Variants in WAPL observed in about 807,000 individuals in gnomAD.
WAPL encodes the protein WAPL cohesin release factor, also known as wings apart-like protein homolog.
A neutral mutation model predicts 121.0 loss-of-function variants in WAPL; 5 were observed. The ratio of observed to expected loss-of-function variants is 0.04; its 90% CI spans 0.02 to 0.09. The LOEUF is 0.09. WAPL is among the 10% of genes least tolerant of loss of function. WAPL has a pLI of 1.00. For synonymous variants in WAPL, 480 were observed against 481.5 expected, an observed-to-expected ratio of 1.00 and a Z score of 0.04; for missense variants, 999 against 1,410.8, an observed-to-expected ratio of 0.71 and a Z score of 4.68.
At chr10:86,487,281 A>C (rs1279869300) in intron 4 of WAPL, among the ~76,000 whole-genome samples, 2 of 152,144 alleles carry the variant, frequency 1.3e-5, no homozygotes, top group Admixed American at 1.3e-4. Context: ...CATGTAGGGA[A>C]GCTGTAGCCA....
chr10:86,484,306 G>A (rs978045188), intron 4 of WAPL, among the ~76,000 whole-genome samples: 2 of 151,982 alleles, frequency 1.3e-5, no homozygotes, highest in East Asian at 1.9e-4. Context: ...GACCAGCCTC[G>A]ACAACATGGT....
chr10:86,470,052 A>G (rs1376382277), intron 8 of WAPL, among the ~76,000 whole-genome samples: 1 of 148,684 alleles, frequency 6.7e-6, no homozygotes, highest in African/African-American at 2.5e-5. Context: ...TTTTTTTTTG[A>G]GACAGAGTCT....
At chr10:86,480,589 T>C (rs1841758482) in intron 4 of WAPL, among the ~76,000 whole-genome samples, 1 of 152,288 alleles carries the variant, frequency 6.6e-6, no homozygotes, top group South Asian at 2.1e-4. Context: ...ATTAGAAAGA[T>C]GATTATCAAA....
chr10:86,491,506 C>T (rs1422231987), intron 4 of WAPL, among the ~76,000 whole-genome samples: 1 of 152,072 alleles, frequency 6.6e-6, no homozygotes, highest in Non-Finnish European at 1.5e-5. Flanking sequence ...TGAACACACT[C>T]AGCACTCAGA....
chr10:86,442,507 T>G (rs1410841793), intron 17 of WAPL, among the ~76,000 whole-genome samples: 1 of 152,230 alleles, frequency 6.6e-6, no homozygotes, highest in African/African-American at 2.4e-5. Flanking sequence ...AGAACTGCTT[T>G]TTCTTACATC....
rs1849356583 is a variant in WAPL, at chr10:86,437,582, T to C, written c.3534A>G (p.Lys1178=). 2 of 1,614,048 alleles carry C rather than the reference T, an allele frequency of 1.2e-6. No individual in the cohort carries two copies. Among genetic ancestry groups the C allele is most frequent in the Non-Finnish European group, 1.7e-6 (2 of 1,179,992 alleles). Residue 1178 remains lysine (K), a synonymous_variant, in exon 19 of 19, where the codon AAA becomes AAG. Transcript: ENST00000298767. ...AATATTCAATCACTCTAGAGATAGATTTCTGGCCAGTTGTTCCAACAGCAC... is the reference window on the plus strand; with the variant it reads ...AATATTCAATCACTCTAGAGATAGACTTCTGGCCAGTTGTTCCAACAGCAC... ...LTCAVGTTGQ[K]SISRVIEYLE... is the part of the protein sequence containing the mutation.
intron 9 of WAPL, among the ~76,000 whole-genome samples, chr10:86,466,196 T>C (rs375297627): frequency 4.6e-5 from 7 of 152,228 alleles, no homozygotes; most frequent in South Asian, 2.1e-4. Context: ...ATCTTCCTTG[T>C]GGTGTCTTCA....
At chr10:86,451,246 T>C (rs963931697) in intron 15 of WAPL, among the ~76,000 whole-genome samples, 2 of 151,688 alleles carry the variant, frequency 1.3e-5, no homozygotes, top group African/African-American at 4.8e-5. Flanking sequence ...CCAATTTCAT[T>C]AATAGAACAA....
At chr10:86,475,621 C>T (rs1841633006) in intron 4 of WAPL, among the ~76,000 whole-genome samples, 1 of 152,220 alleles carries the variant, frequency 6.6e-6, no homozygotes, top group South Asian at 2.1e-4. Flanking sequence ...CAATCTGAAA[C>T]AATTTATGCA....
At chr10:86,443,173 G>C (rs2132164722) in intron 17 of WAPL, 102 bp downstream of exon 17, 2 of 879,600 alleles carry the variant, frequency 2.3e-6, no homozygotes, top group East Asian at 5.1e-5. Flanking sequence ...ACATTAAGGG[G>C]GAAACACTGA....
chr10:86,469,152 T>C (rs1393073346), intron 8 of WAPL, among the ~76,000 whole-genome samples: 6 of 150,308 alleles, frequency 4.0e-5, no homozygotes, highest in Non-Finnish European at 8.9e-5. Flanking sequence ...CCTGGCGTAG[T>C]GGCAGGAGCC....
intron 10 of WAPL, 45 bp from the exon 11 acceptor site, chr10:86,460,541 C>T (rs1245856637): frequency 1.3e-6 from 2 of 1,489,692 alleles, no homozygotes; most frequent in Non-Finnish European, 1.9e-6. Context: ...ATCATCGATA[C>T]TTACCAATAG....
chr10:86,485,119 T>C (rs1259115059), intron 4 of WAPL, among the ~76,000 whole-genome samples: 1 of 129,926 alleles, frequency 7.7e-6, no homozygotes, highest in East Asian at 2.7e-4. Flanking sequence ...TCTATAACTA[T>C]CAAATAGATG....
chr10:86,502,205 A>G (rs1432372738), intron 2 of WAPL, among the ~76,000 whole-genome samples: 2 of 152,214 alleles, frequency 1.3e-5, no homozygotes, highest in Admixed American at 6.5e-5. Context: ...ACAATATACC[A>G]ATTAATAAAG....
intron 4 of WAPL, among the ~76,000 whole-genome samples, chr10:86,487,343 A>G (rs17422850): frequency 0.075 from 11,417 of 152,222 alleles, 466 homozygotes; most frequent in Middle Eastern, 0.14. Flanking sequence ...AGAACTGCTC[A>G]ATGATCAAAA....
At chr10:86,509,881 CA>C (rs748749908) in intron 2 of WAPL, among the ~76,000 whole-genome samples, 21 of 151,324 alleles carry the variant, frequency 1.4e-4, no homozygotes, top group Non-Finnish European at 2.5e-4. Context: ...TCTCCTGCCT[CA>C]GGCTCCGGAC....
At chr10:86,448,150 C>T (rs541576776) in intron 15 of WAPL, among the ~76,000 whole-genome samples, 1 of 152,102 alleles carries the variant, frequency 6.6e-6, no homozygotes, top group Admixed American at 6.5e-5. Flanking sequence ...AAACAGAAAA[C>T]CATCAAAAAG....
intron 2 of WAPL, among the ~76,000 whole-genome samples, chr10:86,508,141 T>C (rs1170700518): frequency 6.6e-6 from 1 of 152,174 alleles, no homozygotes; most frequent in Non-Finnish European, 1.5e-5. Flanking sequence ...GTCCAGAAAT[T>C]CTACTTTGTC....
At chr10:86,518,168 G>A in intron 1 of WAPL, 77 bp from the exon 2 acceptor site, 1 of 1,386,364 alleles carries the variant, frequency 7.2e-7, no homozygotes, top group Non-Finnish European at 9.6e-7. Flanking sequence ...TAAAAACCTA[G>A]GGATTCTTCC....
Sources: gnomAD v4.1 joint callset for allele counts (sites outside exome capture counted in the v4.1 genomes callset) on GRCh38, gnomAD v4.1.1 for gene constraint, MANE v1.5 for transcripts, NCBI Gene and HGNC (gene_info 2026-07-23, HGNC 2026-07-21) for gene names.